MSH5: variants seen among roughly 807,000 people sequenced by gnomAD.
MSH5 encodes mutS protein homolog 5.
In MSH5, 78 loss-of-function variants were observed where a neutral mutation model predicts 107.7. The observed-to-expected ratio is 0.72, with a 90% CI of 0.60 to 0.87. The LOEUF (loss-of-function observed/expected upper bound fraction) is 0.87. Ranked by LOEUF, MSH5 falls within the 40% of genes least tolerant of loss-of-function variation. The pLI, the probability that MSH5 is intolerant of heterozygous loss-of-function variation, is 0.00. For missense variants in MSH5, 889 were observed against 1,046.6 expected, an observed-to-expected ratio of 0.85 and a Z score of 2.08; for synonymous variants, 326 against 399.5, an observed-to-expected ratio of 0.82 and a Z score of 2.19.
Position 31,761,998 on chromosome 6 carries a change from C to T in MSH5, c.2319+43C>T. 6.2e-7 allele frequency: 1 copy of T among 1,613,216 alleles called. No homozygotes were observed. The highest frequency in any genetic ancestry group is 2.2e-5 in the East Asian group (1 of 44,858). ...TGCAACCACCTCCACATCAGAGCTCCCTTTCATTCCTAGTCCTACTGGGCC... is the reference window on the plus strand; with the variant it reads ...TGCAACCACCTCCACATCAGAGCTCTCTTTCATTCCTAGTCCTACTGGGCC... On this transcript the variant is annotated intron_variant, in intron 23 of 24. Coordinates refer to ENST00000375750, the MANE Select transcript of MSH5 (RefSeq NM_172166.4). This position sits in a 1 kb window ranked among gnomAD's most constrained non-coding sequence, Gnocchi z 5.3.
intron 12 of MSH5, chr6:31,754,172 C>CA (rs1178086998): frequency 6.8e-6 from 1 of 147,004 alleles, no homozygotes; most frequent in East Asian, 2.0e-4. Flanking sequence ...TTTTTTTAGA[C>CA]AGAGTCTTGC....
In MSH5 at chr6:31,758,089, C is replaced by A; in HGVS notation, c.1015-76C>A. 2 of 1,577,198 alleles carry A rather than the reference C, an allele frequency of 1.3e-6. No homozygotes were observed. Among genetic ancestry groups the A allele is most frequent in the Non-Finnish European group, 1.7e-6 (2 of 1,152,840 alleles). ...GTGATCTTCCCTACTGGTCTTTGTT[C>A]TTCTGAGTCTGTCCCTATCACCACC... On this transcript the variant is annotated intron_variant, in intron 12 of 24. Transcript: ENST00000375750. The surrounding 1 kb of genome is among the most constrained non-coding windows in gnomAD (Gnocchi z 5.1).
At chr6:31,745,618 CCT>C (rs1362644669) in intron 9 of MSH5, among the ~76,000 whole-genome samples, 1 of 152,040 alleles carries the variant, frequency 6.6e-6, no homozygotes, top group Non-Finnish European at 1.5e-5. Flanking sequence ...CTTTGGGAGA[CCT>C]TGTGTATAGA....
chr6:31,747,405 A>G lies in MSH5; in HGVS notation c.785A>G (p.His262Arg), dbSNP rs2151347147. ...CTCACAGGAATCCTCAACAGATGCC[A>G]CTGTAAGTGGGGAGAGAAGCTGCTC... ...LSLFGILNRC[H>R]CKWGEKLLRL... is the part of the protein sequence containing the mutation. Residue 262 changes from histidine to arginine, a missense_variant, in exon 10 of 25, where the codon CAC becomes CGC. By Grantham distance (29) the His-to-Arg change is conservative. This residue lies in a region of MSH5 where 518 missense variants were observed against 565.0 expected (regional missense o/e 0.92). Coordinates refer to ENST00000375750, the MANE Select transcript of MSH5 (RefSeq NM_172166.4). The G allele has an allele frequency of 6.2e-7, 1 of 1,613,102 alleles. No homozygotes were observed. The highest frequency in any genetic ancestry group is 8.5e-7 in the Non-Finnish European group (1 of 1,180,024).
rs1031154215 is a variant in MSH5 at position 31,758,818 on chromosome 6, G to A, written c.1269G>A (p.Lys423=). 3.1e-6 allele frequency: 5 copies of A among 1,614,118 alleles called. No homozygotes were observed. Among genetic ancestry groups the A allele is most frequent in the African/African-American group, 1.3e-5 (1 of 74,936 alleles). ...GTTTCCTTACTGAGGTTGCCCGCAA[G>A]GAGCTGGAGAATCTGGACTCCCGTA... The part of the protein sequence containing the change: ...LPSFLTEVAR[K]ELENLDSRIP... The change falls in exon 15 of 25, where the codon AAG becomes AAA. Residue 423 remains lysine (K), a synonymous_variant. Transcript: ENST00000375750. This position sits in a 1 kb window ranked among gnomAD's most constrained non-coding sequence, Gnocchi z 5.1.
In MSH5 at chr6:31,759,879, A is replaced by G. The variant is rs1220175817; in HGVS notation, c.1589A>G (p.Asp530Gly). ...GTATTGGACCTTGCCTCCCGCCTGGACGTCCTGCTGGCTCTTGCCAGTGCT... is the reference window on the plus strand; with the variant it reads ...GTATTGGACCTTGCCTCCCGCCTGGGCGTCCTGCTGGCTCTTGCCAGTGCT... ...TRVLDLASRLDVLLALASAAR... is the reference protein window; with the variant it reads ...TRVLDLASRLGVLLALASAAR... Residue 530 changes from aspartate (D) to glycine (G), a missense_variant, in exon 18 of 25, where the codon GAC (aspartate) becomes GGC (glycine). Physicochemically the swap from Asp to Gly is moderately conservative, Grantham distance 94. Coordinates refer to ENST00000375750, the MANE Select transcript of MSH5 (RefSeq NM_172166.4). This position sits in a 1 kb window ranked among gnomAD's most constrained non-coding sequence, Gnocchi z 4.7. The G allele has an allele frequency of 2.5e-6, 4 of 1,614,148 alleles. No individual in the cohort carries two copies.
chr6:31,744,097 G>A (rs770242418), intron 6 of MSH5, 72 bp downstream of exon 6: 2 of 1,601,220 alleles, frequency 1.2e-6, no homozygotes, highest in African/African-American at 2.7e-5. Context: ...GGAGGTACTG[G>A]CCTAGCCCTG....
rs1186110213 is a variant in MSH5, at chr6:31,761,972, G to A, written c.2319+17G>A. The A allele has an allele frequency of 6.2e-7, 1 of 1,613,610 alleles. No individual in the cohort carries two copies. Among genetic ancestry groups the A allele is most frequent in the East Asian group, 2.2e-5 (1 of 44,890 alleles). ...GGCAAGGAGGTGATGAGATCCAAAT[G>A]TGCAACCACCTCCACATCAGAGCTC... On this transcript the variant is annotated intron_variant, in intron 23 of 24. Coordinates refer to ENST00000375750, the MANE Select transcript of MSH5 (RefSeq NM_172166.4). This position sits in a 1 kb window ranked among gnomAD's most constrained non-coding sequence, Gnocchi z 5.3.
chr6:31,740,040 T>A lies in MSH5; in HGVS notation c.-36T>A, dbSNP rs940224605. ...CTCGTGGCGGTCGGTCAGCGGGGCG[T>A]TCTCCCACCTGTAGCGACTCAGGTT... is the stretch of plus-strand genomic sequence containing the variant. On this transcript the variant is annotated 5_prime_UTR_variant, in exon 1 of 25. Transcript: ENST00000375750. The surrounding 1 kb of genome is among the most constrained non-coding windows in gnomAD (Gnocchi z 4.4). 3 of 154,608 alleles carry A rather than the reference T, an allele frequency of 1.9e-5. No individual in the cohort carries two copies. The highest frequency in any genetic ancestry group is 7.3e-5 in the African/African-American group (3 of 41,084). The allele number at this position is 154,608 out of a possible 1,614,324, so 9.6% of individuals were successfully genotyped here. A position where few individuals can be genotyped will look rare whatever the true frequency, so the allele number is the denominator to read the frequency against.
In MSH5 at chr6:31,759,989, C is replaced by T. The variant is rs112147492; in HGVS notation, c.1685+14C>T. On this transcript the variant is annotated intron_variant, in intron 18 of 24. Coordinates refer to ENST00000375750, the MANE Select transcript of MSH5 (RefSeq NM_172166.4). The surrounding 1 kb of genome is among the most constrained non-coding windows in gnomAD (Gnocchi z 4.7). Reference sequence around the variant, plus strand: ...CCAGAATGGCAGGTAAGAATAGAGGCGGGTGGAGGAATAGACATGAGGGGC... The same window carrying T: ...CCAGAATGGCAGGTAAGAATAGAGGTGGGTGGAGGAATAGACATGAGGGGC... The T allele has an allele frequency of 3.9e-4, 636 of 1,613,492 alleles. 8 individuals are homozygous for T. In the African/African-American group the frequency reaches 4.4e-3, roughly 11 times the overall value.
At chr6:31,754,357 C>T (rs1810252991) in intron 12 of MSH5, among the ~76,000 whole-genome samples, 2 of 152,050 alleles carry the variant, frequency 1.3e-5, no homozygotes, top group South Asian at 4.1e-4. Flanking sequence ...ACCATGTTGG[C>T]CAGGCTGGTC....
Position 31,761,688 on chromosome 6 carries a change from ATCAGAACAAGGGC to A in MSH5, c.2181+76_2181+88del, listed in dbSNP as rs1811015357. 6.2e-7 allele frequency: 1 copy of A among 1,612,510 alleles called. No individual in the cohort carries two copies. Among genetic ancestry groups the A allele is most frequent in the Non-Finnish European group, 8.5e-7 (1 of 1,179,282 alleles). On this transcript the variant is annotated intron_variant, in intron 22 of 24. Transcript: ENST00000375750. The surrounding 1 kb of genome is among the most constrained non-coding windows in gnomAD (Gnocchi z 5.3). Reference sequence around the variant, plus strand: ...CCCAGAGGTGGGGATTGGCTCCTCTATCAGAACAAGGGCTCCCTCAGCACAGAGACCACATCCC... The same window carrying A: ...CCCAGAGGTGGGGATTGGCTCCTCTATCCCTCAGCACAGAGACCACATCCC...
chr6:31,762,552 C>A lies in MSH5; in HGVS notation c.*21C>A. On this transcript the variant is annotated 3_prime_UTR_variant, in exon 25 of 25. Coordinates refer to ENST00000375750, the MANE Select transcript of MSH5 (RefSeq NM_172166.4). ...TCTGAGAGTCCTTCCAGTGTCCTCC[C>A]CAGCCTCCTGAGACTCCGGTGGGCT... 1 of 1,548,348 alleles carries A rather than the reference C, an allele frequency of 6.5e-7. No individual in the cohort carries two copies. Among genetic ancestry groups the A allele is most frequent in the Non-Finnish European group, 8.9e-7 (1 of 1,121,222 alleles).
Position 31,761,124 on chromosome 6 carries a change from A to T in MSH5, c.1963-64A>T. The stretch of plus-strand genomic sequence containing the variant: ...TGTATACAGCTTTATTCACAGGCCA[A>T]CTGTGGTCAGTGCGTTACGGGCTTC... On this transcript the variant is annotated intron_variant, in intron 20 of 24. Transcript: ENST00000375750. The surrounding 1 kb of genome is among the most constrained non-coding windows in gnomAD (Gnocchi z 5.3). 4 of 1,506,190 alleles carry T rather than the reference A, an allele frequency of 2.7e-6. No homozygotes were observed. The Admixed American group carries it at 7.5e-5, about 28-fold the overall frequency. The allele number at this position is 1,506,190 out of a possible 1,614,324, so 93.3% of individuals were successfully genotyped here.
chr6:31,754,874 C>T (rs972425752), intron 12 of MSH5, among the ~76,000 whole-genome samples: 2 of 151,528 alleles, frequency 1.3e-5, no homozygotes, highest in South Asian at 2.1e-4. Flanking sequence ...GCCTCAGCCT[C>T]CCATGTAGCT....
rs377181847 is a variant in MSH5, at chr6:31,749,970, A to G, written c.812+2538A>G. Among the ~76,000 whole-genome samples the G allele has an allele frequency of 1.7e-4, 26 of 152,322 alleles. No individual in the cohort carries two copies. In the East Asian group the frequency reaches 3.5e-3, roughly 20 times the overall value. On this transcript the variant is annotated intron_variant, in intron 10 of 24. Transcript: ENST00000375750. ...TCTCTGAGGTCATCTCCAGGTAATCAGCATCTCCAGGAATCGGCAGGGTAA... is the reference window on the plus strand; with the variant it reads ...TCTCTGAGGTCATCTCCAGGTAATCGGCATCTCCAGGAATCGGCAGGGTAA...
chr6:31,758,918 G>A lies in MSH5; in HGVS notation c.1326+43G>A. The A allele has an allele frequency of 6.5e-7, 1 of 1,549,396 alleles. No homozygotes were observed. The highest frequency in any genetic ancestry group is 1.7e-5 in the Admixed American group (1 of 59,776). The stretch of plus-strand genomic sequence containing the variant: ...GGTGTAGCCTTCAGATGTCTTTTGG[G>A]GGAGATATTAGGCTTATGAAAGACA... On this transcript the variant is annotated intron_variant, in intron 15 of 24. Coordinates refer to ENST00000375750, the MANE Select transcript of MSH5 (RefSeq NM_172166.4). The surrounding 1 kb of genome is among the most constrained non-coding windows in gnomAD (Gnocchi z 5.1).
chr6:31,752,570 A>G (rs1178921770), intron 10 of MSH5, among the ~76,000 whole-genome samples: 5 of 151,200 alleles, frequency 3.3e-5, no homozygotes, highest in South Asian at 2.1e-4. Context: ...AAATACAACA[A>G]TTAGCTGGGC....
intron 10 of MSH5, among the ~76,000 whole-genome samples, chr6:31,748,617 C>T (rs1809679904): frequency 6.6e-6 from 1 of 152,064 alleles, no homozygotes; most frequent in Non-Finnish European, 1.5e-5. Context: ...GCTGGGATTA[C>T]AGGCATGAGT....
Sources: gnomAD v4.1 joint callset for allele counts (sites outside exome capture counted in the v4.1 genomes callset) on GRCh38, gnomAD v4.1.1 for gene constraint, gnomAD v4.1.1 regional missense constraint, Gnocchi (gnomAD v3.1) non-coding constraint, MANE v1.5 for transcripts, NCBI Gene and HGNC (gene_info 2026-07-23, HGNC 2026-07-21) for gene names.